AGAP1: variants seen among roughly 807,000 people sequenced by gnomAD.
The protein encoded by AGAP1 is arf-GAP with GTPase, ANK repeat and PH domain-containing protein 1.
In AGAP1, 29 loss-of-function variants were observed where a neutral mutation model predicts 105.3. That is an observed-to-expected ratio of 0.28 (90% CI 0.21 to 0.38). The LOEUF (loss-of-function observed/expected upper bound fraction) is 0.38. Ranked by LOEUF, AGAP1 falls within the 10% of genes least tolerant of loss-of-function variation. The pLI, the probability that AGAP1 is intolerant of heterozygous loss-of-function variation, is 1.00. For missense variants in AGAP1, 998 were observed against 1,165.1 expected (o/e 0.86, Z 2.09); for synonymous variants, 509 against 485.9 (o/e 1.05, Z -0.63).
At position 235,723,011 on chromosome 2, in the gene AGAP1, G is replaced by A. The variant is rs941420982; in HGVS notation, c.310+5367G>A. Among the ~76,000 whole-genome samples the A allele has an allele frequency of 5.3e-5, 8 of 152,192 alleles. No homozygotes were observed. The highest frequency in any genetic ancestry group is 2.1e-4 in the South Asian group (1 of 4,830). On this transcript the variant is annotated intron_variant, in intron 3 of 17. Coordinates refer to ENST00000304032, the MANE Select transcript of AGAP1 (RefSeq NM_001037131.3). The surrounding 1 kb of genome is among the most constrained non-coding windows in gnomAD (Gnocchi z 6.2). The stretch of plus-strand genomic sequence containing the variant: ...AGGTTAGAGAAGCTTGGTTTAGACG[G>A]TCGCTGCACTTAGAACTGTTGGAGT...
rs1264666764 is a variant in AGAP1 at position 235,904,992 on chromosome 2, A to T, written c.1156-3746A>T. 6.6e-6 allele frequency among the ~76,000 whole-genome samples: 1 copy of T among 151,922 alleles called. No individual in the cohort carries two copies. ...TTATTTATTTTTTTTTTTTAGAGCT[A>T]GTTCTTCTGAGGTTGTAACGCCTAA... On this transcript the variant is annotated intron_variant, in intron 10 of 17. Coordinates refer to ENST00000304032, the MANE Select transcript of AGAP1 (RefSeq NM_001037131.3). The surrounding 1 kb of genome is among the most constrained non-coding windows in gnomAD (Gnocchi z 4.2).
In AGAP1 at chr2:236,087,602, G is replaced by A. The variant is rs758890693; in HGVS notation, c.2115-32590G>A. ...TGACTAGTTTGATGTTCTGAATCAG[G>A]CCCCTTGGTTAAGCGTGATAACATG... On this transcript the variant is annotated intron_variant, in intron 16 of 17. Transcript: ENST00000304032. This position sits in a 1 kb window ranked among gnomAD's most constrained non-coding sequence, Gnocchi z 5.7. Among the ~76,000 whole-genome samples the A allele has an allele frequency of 6.6e-6, 1 of 152,142 alleles. No homozygotes were observed. The highest frequency in any genetic ancestry group is 1.5e-5 in the Non-Finnish European group (1 of 68,030).
At chr2:235,524,145 C>T (rs1183622005) in intron 1 of AGAP1, among the ~76,000 whole-genome samples, 2 of 152,168 alleles carry the variant, frequency 1.3e-5, no homozygotes, top group Non-Finnish European at 2.9e-5. Context: ...ATTCTTACCA[C>T]GGGCGTCCGT....
Position 236,062,142 on chromosome 2 carries a change from G to A in AGAP1, c.2114+12861G>A, listed in dbSNP as rs1559237902. On this transcript the variant is annotated intron_variant, in intron 16 of 17. Coordinates refer to ENST00000304032, the MANE Select transcript of AGAP1 (RefSeq NM_001037131.3). This position sits in a 1 kb window ranked among gnomAD's most constrained non-coding sequence, Gnocchi z 4.2. Reference sequence around the variant, plus strand: ...GGTGGAAGGTGGTGCCTATGTCCAGGGGAGCAAGTGAGCCTGAATCAGCGA... The same window carrying A: ...GGTGGAAGGTGGTGCCTATGTCCAGAGGAGCAAGTGAGCCTGAATCAGCGA... 6.6e-6 allele frequency among the ~76,000 whole-genome samples: 1 copy of A among 152,318 alleles called. No homozygotes were observed. The highest frequency in any genetic ancestry group is 1.9e-4 in the East Asian group (1 of 5,174).
At chr2:235,863,492 G>A (rs927079254) in intron 9 of AGAP1, among the ~76,000 whole-genome samples, 1 of 152,154 alleles carries the variant, frequency 6.6e-6, no homozygotes, top group Non-Finnish European at 1.5e-5. Context: ...GCCTCCCGTC[G>A]AGTCCTCAGT....
chr2:235,664,785 T>A lies in AGAP1; in HGVS notation c.164-44394T>A, dbSNP rs1948074798. ...CTCATGCATGGGTAGAACTAAAGCC[T>A]CTTCTTCTGTAATGTGGCAGTTCCC... On this transcript the variant is annotated intron_variant, in intron 1 of 17. Transcript: ENST00000304032. This position sits in a 1 kb window ranked among gnomAD's most constrained non-coding sequence, Gnocchi z 5.7. Among the ~76,000 whole-genome samples the A allele has an allele frequency of 6.6e-6, 1 of 152,130 alleles. No homozygotes were observed. Among genetic ancestry groups the A allele is most frequent in the African/African-American group, 2.4e-5 (1 of 41,426 alleles).
At chr2:235,912,566 C>T (rs1033407377) in intron 11 of AGAP1, among the ~76,000 whole-genome samples, 2 of 152,094 alleles carry the variant, frequency 1.3e-5, no homozygotes, top group African/African-American at 2.4e-5. Flanking sequence ...CTTCTCTTCC[C>T]GTAACTTGCA....
intron 13 of AGAP1, among the ~76,000 whole-genome samples, chr2:236,029,519 C>T (rs2057160941): frequency 2.0e-5 from 3 of 151,632 alleles, no homozygotes; most frequent in Admixed American, 1.3e-4. Flanking sequence ...CTCCTGACCT[C>T]AGATGATCCA....
rs1473614066 is a variant in AGAP1, at chr2:235,874,202, C to T, written c.1051-9143C>T. Among the ~76,000 whole-genome samples, 1 of 152,150 alleles carries T rather than the reference C, an allele frequency of 6.6e-6. No individual in the cohort carries two copies. Among genetic ancestry groups the T allele is most frequent in the African/African-American group, 2.4e-5 (1 of 41,440 alleles). On this transcript the variant is annotated intron_variant, in intron 9 of 17. Coordinates refer to ENST00000304032, the MANE Select transcript of AGAP1 (RefSeq NM_001037131.3). The surrounding 1 kb of genome is among the most constrained non-coding windows in gnomAD (Gnocchi z 4.5). ...AGTAGCTAGGTCTACAGGCGCACACCACCATGCCCAGCTAATTTTTTGCAT... is the reference window on the plus strand; with the variant it reads ...AGTAGCTAGGTCTACAGGCGCACACTACCATGCCCAGCTAATTTTTTGCAT...
intron 16 of AGAP1, among the ~76,000 whole-genome samples, chr2:236,102,267 A>C (rs561043220): frequency 2.0e-5 from 3 of 151,996 alleles, no homozygotes; most frequent in East Asian, 1.9e-4. Flanking sequence ...AATACAAAAA[A>C]TTAGCCGGGC....
Position 236,051,636 on chromosome 2 carries a change from G to A in AGAP1, c.2114+2355G>A, listed in dbSNP as rs567886198. 3.3e-4 allele frequency among the ~76,000 whole-genome samples: 51 copies of A among 152,320 alleles called. 1 individual carries two copies. In the East Asian group the frequency reaches 9.9e-3, roughly 29 times the overall value. On this transcript the variant is annotated intron_variant, in intron 16 of 17. Transcript: ENST00000304032. The surrounding 1 kb of genome is among the most constrained non-coding windows in gnomAD (Gnocchi z 5.9). The stretch of plus-strand genomic sequence containing the variant: ...TGAATGAGGAGGAGCAGGAATGGGG[G>A]AGGCCCAAAGAGCAGAAGCAGGAAG...
rs1419309072 is a variant in AGAP1 at position 235,845,835 on chromosome 2, G to T, written c.1051-37510G>T. On this transcript the variant is annotated intron_variant, in intron 9 of 17. Coordinates refer to ENST00000304032, the MANE Select transcript of AGAP1 (RefSeq NM_001037131.3). This position sits in a 1 kb window ranked among gnomAD's most constrained non-coding sequence, Gnocchi z 4.8. ...CCGAAGGAGTCATGCATGTGGTTTG[G>T]GGCCTGGATGTGTGTTTGGGCCTCC... Among the ~76,000 whole-genome samples the T allele has an allele frequency of 6.6e-6, 1 of 151,566 alleles. No individual in the cohort carries two copies. Among genetic ancestry groups the T allele is most frequent in the Non-Finnish European group, 1.5e-5 (1 of 67,896 alleles).
rs2059599036 is a variant in AGAP1 at position 236,109,815 on chromosome 2, C to T, written c.2115-10377C>T. On this transcript the variant is annotated intron_variant, in intron 16 of 17. Coordinates refer to ENST00000304032, the MANE Select transcript of AGAP1 (RefSeq NM_001037131.3). This position sits in a 1 kb window ranked among gnomAD's most constrained non-coding sequence, Gnocchi z 5.4. ...TATTTTGTTTCAATTCACGTCAACA[C>T]CCACGGGCAGCTTACAGCTGCCCCA... Among the ~76,000 whole-genome samples, 1 of 152,260 alleles carries T rather than the reference C, an allele frequency of 6.6e-6. No individual in the cohort carries two copies. The highest frequency in any genetic ancestry group is 1.5e-5 in the Non-Finnish European group (1 of 68,052).
Position 235,799,076 on chromosome 2 carries a change from A to G in AGAP1, c.802-291A>G, listed in dbSNP as rs1337457388. Reference sequence around the variant, plus strand: ...CTTTCATTTTCAGAGGAAAGAGAAAATAATCAAATTTGAACTCTCAGAAAT... The same window carrying G: ...CTTTCATTTTCAGAGGAAAGAGAAAGTAATCAAATTTGAACTCTCAGAAAT... On this transcript the variant is annotated intron_variant, in intron 7 of 17. Transcript: ENST00000304032. This position sits in a 1 kb window ranked among gnomAD's most constrained non-coding sequence, Gnocchi z 5.0. 6.6e-6 allele frequency among the ~76,000 whole-genome samples: 1 copy of G among 152,136 alleles called. No individual in the cohort carries two copies. The highest frequency in any genetic ancestry group is 1.5e-5 in the Non-Finnish European group (1 of 68,032).
rs1406824878 is a variant in AGAP1 at position 236,126,041 on chromosome 2, AAAATT to A, written c.*1923_*1927del. ...TTTCCTCTTATTTCACTTTTTAAAA[AAAATT>A]AAAGTAGGTGGGGAAAAAAATAAAG... is the stretch of plus-strand genomic sequence containing the variant. On this transcript the variant is annotated 3_prime_UTR_variant, in exon 18 of 18. Transcript: ENST00000304032. The A allele has an allele frequency of 3.9e-5, 6 of 152,200 alleles. No individual in the cohort carries two copies. Among genetic ancestry groups the A allele is most frequent in the African/African-American group, 9.6e-5 (4 of 41,456 alleles). 9.4% of individuals were successfully genotyped at this position (152,200 alleles called of 1,614,324 possible). A position where few individuals can be genotyped will look rare whatever the true frequency, so the allele number is the denominator to read the frequency against.
intron 13 of AGAP1, among the ~76,000 whole-genome samples, chr2:236,007,797 C>G (rs1016587463): frequency 1.3e-5 from 2 of 152,178 alleles, no homozygotes; most frequent in Admixed American, 6.5e-5. Context: ...CTTCCCCTCT[C>G]GGCATCACCA....
rs901701320 is a variant in AGAP1, at chr2:235,865,885, A to G, written c.1051-17460A>G. On this transcript the variant is annotated intron_variant, in intron 9 of 17. Transcript: ENST00000304032. This position sits in a 1 kb window ranked among gnomAD's most constrained non-coding sequence, Gnocchi z 6.2. ...GCCAGAAGTTTTCCGTTTGTGGAGG[A>G]CTGGGGAAAGCCAGTTAATTGGGAT... is the stretch of plus-strand genomic sequence containing the variant. Among the ~76,000 whole-genome samples the G allele has an allele frequency of 5.3e-5, 8 of 152,148 alleles. No homozygotes were observed. Among genetic ancestry groups the G allele is most frequent in the African/African-American group, 1.2e-4 (5 of 41,418 alleles).
intron 1 of AGAP1, among the ~76,000 whole-genome samples, chr2:235,589,764 C>T (rs1399252159): frequency 6.6e-6 from 1 of 151,932 alleles, no homozygotes; most frequent in African/African-American, 2.4e-5. Context: ...GTTTGTGTAG[C>T]CAGGAGAGCA....
intron 1 of AGAP1, among the ~76,000 whole-genome samples, chr2:235,519,933 C>T (rs1942552211): frequency 6.6e-6 from 1 of 152,140 alleles, no homozygotes; most frequent in African/African-American, 2.4e-5. Context: ...CAGGTGCCCA[C>T]CACCACACCT....
Sources: allele counts gnomAD v4.1 joint callset (sites outside exome capture counted in the v4.1 genomes callset), GRCh38; gene constraint gnomAD v4.1.1; non-coding constraint Gnocchi (gnomAD v3.1); transcripts MANE v1.5; gene names NCBI Gene and HGNC (gene_info 2026-07-23, HGNC 2026-07-21).